Variants in ADGRV1 observed in about 807,000 individuals in gnomAD.
ADGRV1 encodes adhesion G protein-coupled receptor V1, also known as G-protein coupled receptor 98.
Under a neutral mutation model 596.2 loss-of-function variants are expected in ADGRV1, and 359 were observed. The observed-to-expected ratio is 0.60, with a 90% CI of 0.55 to 0.66. ADGRV1 has a LOEUF of 0.66. Among genes scored for constraint, ADGRV1 ranks in the 30% least tolerant of loss-of-function variants. The probability of loss-of-function intolerance (pLI) is 0.00; values close to 1 mark genes in which losing one functional copy is unlikely to be tolerated. For missense variants in ADGRV1, 7,274 were observed against 7,575.6 expected (o/e 0.96, Z 1.48); for synonymous variants, 2,681 against 2,679.2 (o/e 1.00, Z -0.02).
At chr5:90,617,710 T>G (rs1763547523) in intron 2 of ADGRV1, 94 bp from the exon 3 acceptor site, 2 of 1,059,420 alleles carry the variant, frequency 1.9e-6, no homozygotes, top group South Asian at 3.5e-5. Context: ...GTCACTTGAT[T>G]TATGCTTTTT....
chr5:90,778,479 C>A lies in ADGRV1; in HGVS notation c.12719C>A (p.Thr4240Asn). 6.2e-7 allele frequency: 1 copy of A among 1,613,238 alleles called. No individual in the cohort carries two copies. The highest frequency in any genetic ancestry group is 8.5e-7 in the Non-Finnish European group (1 of 1,179,536). ...AAAAGCTTCTATGAGTTTCAGCTCA[C>A]TGCAGTCAGTGAGGGAGGAGTTCTG... ...EEKSFYEFQLTAVSEGGVLSE... is the reference protein window; with the variant it reads ...EEKSFYEFQLNAVSEGGVLSE... Residue 4240 changes from threonine (T) to asparagine (N), a missense_variant, in exon 63 of 90, where the codon ACT becomes AAT. By Grantham distance (65) the Thr-to-Asn change is moderately conservative (BLOSUM62 0). Coordinates refer to ENST00000405460, the MANE Select transcript of ADGRV1 (RefSeq NM_032119.4).
At chr5:90,867,563 T>C (rs1011384436) in intron 83 of ADGRV1, among the ~76,000 whole-genome samples, 1 of 152,216 alleles carries the variant, frequency 6.6e-6, no homozygotes, top group Non-Finnish European at 1.5e-5. Context: ...TCATTCTCGC[T>C]TTGAGTACCT....
chr5:90,685,630 AT>A (rs1745516069), intron 28 of ADGRV1, 149 bp from the exon 29 acceptor site: 2 of 238,062 alleles, frequency 8.4e-6, no homozygotes, highest in Non-Finnish European at 1.6e-5. Context: ...AAATAAATAA[AT>A]AAATAAATAA....
intron 83 of ADGRV1, among the ~76,000 whole-genome samples, chr5:90,921,637 A>T (rs1773882205): frequency 6.6e-6 from 1 of 152,176 alleles, no homozygotes. Context: ...AAATTTAGTC[A>T]TTGTGAAATC....
intron 36 of ADGRV1, 134 bp downstream of exon 36, chr5:90,704,622 T>C: frequency 3.6e-6 from 2 of 556,274 alleles, no homozygotes; most frequent in Non-Finnish European, 6.3e-6. Flanking sequence ...CCCCTAGAAA[T>C]GTTAGATCAA....
chr5:90,678,031 A>G (rs538472129), intron 25 of ADGRV1, among the ~76,000 whole-genome samples: 1 of 152,206 alleles, frequency 6.6e-6, no homozygotes, highest in African/African-American at 2.4e-5. Context: ...TATGGTGTTG[A>G]ACTTCTTTTT....
In ADGRV1 at chr5:90,647,744, T is replaced by C. The variant is rs771410054; in HGVS notation, c.3269T>C (p.Ile1090Thr). 129 of 1,612,576 alleles carry C rather than the reference T, an allele frequency of 8.0e-5. 1 individual carries two copies. Among genetic ancestry groups the C allele is most frequent in the Middle Eastern group, 1.6e-4 (1 of 6,078 alleles). The change falls in exon 17 of 90, where the codon ATA becomes ACA. Residue 1090 changes from isoleucine (I) to threonine (T), a missense_variant. Transcript: ENST00000405460. ...GIPETDEPFYIILLNSTGDTV... is the reference protein window; with the variant it reads ...GIPETDEPFYTILLNSTGDTV... ...CCGGAAACAGATGAGCCCTTTTATA[T>C]AATCCTCTTGAATTCAACAGGTAAG...
intron 1 of ADGRV1, among the ~76,000 whole-genome samples, chr5:90,581,568 C>T (rs970433677): frequency 6.6e-6 from 1 of 152,172 alleles, no homozygotes; most frequent in African/African-American, 2.4e-5. Context: ...ACCCTGTTTG[C>T]CTGGGCATCA....
In ADGRV1 at chr5:90,788,175, A is replaced by T; in HGVS notation, c.13758A>T (p.Glu4586Asp). The change falls in exon 68 of 90, where the codon GAA becomes GAT. Residue 4586 changes from glutamate (E) to aspartate (D), a missense_variant. Coordinates refer to ENST00000405460, the MANE Select transcript of ADGRV1 (RefSeq NM_032119.4). The part of the protein sequence containing the change: ...VSGLFYFGEG[E>D]GGVRTIILTI... Reference sequence around the variant, plus strand: ...GGTTGTTCTATTTTGGAGAAGGAGAAGGAGGAGTGAGAACCATAATTCTGA... The same window carrying T: ...GGTTGTTCTATTTTGGAGAAGGAGATGGAGGAGTGAGAACCATAATTCTGA... 4 of 1,613,914 alleles carry T rather than the reference A, an allele frequency of 2.5e-6. No individual in the cohort carries two copies. The South Asian group carries it at 3.3e-5, about 13-fold the overall frequency.
intron 83 of ADGRV1, among the ~76,000 whole-genome samples, chr5:90,893,295 A>G (rs1436238195): frequency 6.6e-6 from 1 of 152,144 alleles, no homozygotes; most frequent in African/African-American, 2.4e-5. Context: ...AGCTTCCCCC[A>G]AATTGAATAC....
At chr5:90,913,307 C>T (rs1773063055) in intron 83 of ADGRV1, among the ~76,000 whole-genome samples, 1 of 152,192 alleles carries the variant, frequency 6.6e-6, no homozygotes, top group African/African-American at 2.4e-5. Flanking sequence ...AGAGAATCAA[C>T]ACTTTTATGA....
At chr5:90,883,993 C>T (rs554608216) in intron 83 of ADGRV1, among the ~76,000 whole-genome samples, 1 of 152,322 alleles carries the variant, frequency 6.6e-6, no homozygotes, top group East Asian at 1.9e-4. Context: ...TTGTCTCTCT[C>T]TATTGCCCTG....
chr5:91,097,625 G>GT (rs1159526541), intron 86 of ADGRV1, among the ~76,000 whole-genome samples: 1 of 152,108 alleles, frequency 6.6e-6, no homozygotes, highest in Non-Finnish European at 1.5e-5. Flanking sequence ...GTAACTCTGT[G>GT]TTTAACATCT....
intron 85 of ADGRV1, among the ~76,000 whole-genome samples, chr5:91,037,758 A>G (rs529634319): frequency 1.8e-4 from 27 of 152,208 alleles, no homozygotes; most frequent in Non-Finnish European, 3.4e-4. Context: ...AGGAAGTAAC[A>G]TTTGAAAACA....
chr5:90,851,727 G>A (rs1766552766), intron 79 of ADGRV1, among the ~76,000 whole-genome samples: 1 of 152,134 alleles, frequency 6.6e-6, no homozygotes, highest in Non-Finnish European at 1.5e-5. Flanking sequence ...TGCATTTGAG[G>A]GACATAGGTG....
intron 23 of ADGRV1, 124 bp from the exon 24 acceptor site, chr5:90,675,119 C>A: frequency 1.5e-6 from 1 of 647,798 alleles, no homozygotes; most frequent in Non-Finnish European, 2.6e-6. Context: ...AAAATATTTT[C>A]TAAATAAAGT....
At chr5:90,832,109 G>C (rs1158789981) in intron 77 of ADGRV1, among the ~76,000 whole-genome samples, 1 of 151,724 alleles carries the variant, frequency 6.6e-6, no homozygotes. Context: ...CTTTCTTTTG[G>C]GTATATACCT....
intron 74 of ADGRV1, among the ~76,000 whole-genome samples, chr5:90,813,789 A>G (rs1762669102): frequency 6.6e-6 from 1 of 152,134 alleles, no homozygotes; most frequent in Admixed American, 6.5e-5. Flanking sequence ...CGGATAATTA[A>G]TTTTGCTGCA....
intron 33 of ADGRV1, 132 bp from the exon 34 acceptor site, chr5:90,696,805 T>C: frequency 3.8e-6 from 2 of 528,198 alleles, no homozygotes; most frequent in South Asian, 4.3e-5. Flanking sequence ...ATGTTGCCCA[T>C]GATATGGAAC....
Sources: allele counts gnomAD v4.1 joint callset (sites outside exome capture counted in the v4.1 genomes callset), GRCh38; gene constraint gnomAD v4.1.1; transcripts MANE v1.5; gene names NCBI Gene and HGNC (gene_info 2026-07-23, HGNC 2026-07-21).